LOC112694756: variants seen among roughly 807,000 people sequenced by gnomAD.
the LOC112694756 span, among the ~76,000 whole-genome samples, chr16:30,063,223 G>A: frequency 2.6e-5 from 4 of 152,130 alleles, no homozygotes; most frequent in Middle Eastern, 3.4e-3. Context: ...TCATGAATGC[G>A]GTCTGTTCGT....
At chr16:30,067,020 C>T in the LOC112694756 span, 3 of 1,574,928 alleles carry the variant, frequency 1.9e-6, no homozygotes, top group Non-Finnish European at 2.6e-6. Flanking sequence ...ACACCCAGCA[C>T]CAGACAGAGT....
At chr16:30,066,160 A>T in the LOC112694756 span, 2 of 152,196 alleles carry the variant, frequency 1.3e-5, no homozygotes, top group African/African-American at 4.8e-5. Context: ...ATGAAGGACC[A>T]TTCTCCCCCT....
the LOC112694756 span, among the ~76,000 whole-genome samples, chr16:30,059,345 A>G: frequency 6.6e-6 from 1 of 151,636 alleles, no homozygotes. Flanking sequence ...AAATACAAAA[A>G]AAATTAGCCG....
the LOC112694756 span, chr16:30,069,275 C>A: frequency 6.2e-7 from 1 of 1,611,190 alleles, no homozygotes. Flanking sequence ...GGTTAGGAGG[C>A]CTCACAGTGA....
At chr16:30,058,550 A>G in the LOC112694756 span, among the ~76,000 whole-genome samples, 1 of 150,172 alleles carries the variant, frequency 6.7e-6, no homozygotes, top group African/African-American at 2.5e-5. Context: ...CAGTGGTGCA[A>G]TCTTGGCTCA....
the LOC112694756 span, among the ~76,000 whole-genome samples, chr16:30,058,225 G>A: frequency 6.6e-6 from 1 of 152,178 alleles, no homozygotes; most frequent in East Asian, 1.9e-4. Context: ...TTAACAGGGT[G>A]GAGGACAGGG....
chr16:30,069,801 G>GC, the LOC112694756 span: 5 of 1,613,676 alleles, frequency 3.1e-6, no homozygotes, highest in African/African-American at 6.7e-5. Flanking sequence ...TCTGACCACA[G>GC]CCCCTCTCGC....
the LOC112694756 span, among the ~76,000 whole-genome samples, chr16:30,056,033 T>G: frequency 2.0e-5 from 3 of 150,914 alleles, no homozygotes; most frequent in Non-Finnish European, 2.9e-5. Flanking sequence ...ACTCCTGACC[T>G]CAAATGATCC....
At chr16:30,058,175 C>T in the LOC112694756 span, among the ~76,000 whole-genome samples, 5 of 152,164 alleles carry the variant, frequency 3.3e-5, no homozygotes, top group Non-Finnish European at 7.3e-5. Context: ...AGACATCAGG[C>T]CCTGATCCTC....
chr16:30,068,419 T>G, the LOC112694756 span: 3 of 602,276 alleles, frequency 5.0e-6, no homozygotes, highest in Admixed American at 2.6e-5. Flanking sequence ...AGCCCTGAGA[T>G]GCAGTTTAAG....
At chr16:30,063,606 G>C in the LOC112694756 span, 2 of 397,952 alleles carry the variant, frequency 5.0e-6, no homozygotes, top group East Asian at 7.1e-5. Context: ...GGGAATGATG[G>C]ACAGTACCCT....
chr16:30,062,798 C>T, the LOC112694756 span, among the ~76,000 whole-genome samples: 1 of 151,410 alleles, frequency 6.6e-6, no homozygotes, highest in Non-Finnish European at 1.5e-5. Context: ...GGAGATCACG[C>T]CATTGTGCTC....
At chr16:30,068,390 C>T in the LOC112694756 span, 1 of 533,864 alleles carries the variant, frequency 1.9e-6, no homozygotes, top group South Asian at 1.9e-5. Flanking sequence ...TTAATTGTAA[C>T]TAAGTGAAAA....
chr16:30,067,293 G>A, the LOC112694756 span: 1 of 1,612,862 alleles, frequency 6.2e-7, no homozygotes, highest in Non-Finnish European at 8.5e-7. Flanking sequence ...CGGAGCAGAA[G>A]AAGGAGCTGT....
chr16:30,069,772 C>G, the LOC112694756 span: 2 of 1,612,590 alleles, frequency 1.2e-6, no homozygotes, highest in Non-Finnish European at 1.7e-6. Context: ...TCCACCAGCT[C>G]CTGCCAGCTT....
the LOC112694756 span, chr16:30,069,915 C>T: frequency 1.9e-6 from 3 of 1,614,034 alleles, no homozygotes; most frequent in African/African-American, 1.3e-5. Flanking sequence ...TGCTGAAGCC[C>T]TGGGCCCTGA....
chr16:30,064,064 G>C, the LOC112694756 span: 2 of 398,934 alleles, frequency 5.0e-6, no homozygotes, highest in Non-Finnish European at 8.8e-6. Context: ...AGAGGGGCTA[G>C]TGCTCGGGCA....
chr16:30,053,778 A>AGCATTTGG, the LOC112694756 span, among the ~76,000 whole-genome samples: 2 of 152,204 alleles, frequency 1.3e-5, no homozygotes, highest in African/African-American at 4.8e-5. Flanking sequence ...GGGAGGCTGC[A>AGCATTTGG]GCATTTGGGG....
At chr16:30,059,918 A>C in the LOC112694756 span, among the ~76,000 whole-genome samples, 9 of 152,070 alleles carry the variant, frequency 5.9e-5, no homozygotes, top group Non-Finnish European at 1.2e-4. Flanking sequence ...CATCGTGCTT[A>C]GTTCCTTCCA....
Sources: gnomAD v4.1 joint callset for allele counts (sites outside exome capture counted in the v4.1 genomes callset) on GRCh38, gnomAD v4.1.1 for gene constraint, MANE v1.5 for transcripts.